The following MYH9 variants were observed in gnomAD, a reference collection of about 807,000 sequenced individuals.
The protein encoded by MYH9 is myosin heavy chain 9, also known as myosin-9.
MYH9 carries 29 observed loss-of-function variants against 241.9 expected under a neutral mutation model. That is an observed-to-expected ratio of 0.12 (90% CI 0.09 to 0.16). The LOEUF is 0.16. Among genes scored for constraint, MYH9 ranks in the 10% least tolerant of loss-of-function variants. The probability of loss-of-function intolerance (pLI) is 1.00; values close to 1 mark genes in which losing one functional copy is unlikely to be tolerated. For synonymous variants in MYH9, 1,047 were observed against 1,062.6 expected, an observed-to-expected ratio of 0.99 and a Z score of 0.29; for missense variants, 1,803 against 2,595.5, an observed-to-expected ratio of 0.69 and a Z score of 6.63.
At chr22:36,360,436 G>A (rs1023149536) in intron 1 of MYH9, among the ~76,000 whole-genome samples, 2 of 152,188 alleles carry the variant, frequency 1.3e-5, no homozygotes, top group Non-Finnish European at 1.5e-5. Flanking sequence ...AACTTAGGCC[G>A]GGCACAGTGG....
Position 36,282,228 on chromosome 22 carries a change from T to A in MYH9, c.*440A>T. The A allele has an allele frequency of 9.1e-6, 3 of 330,192 alleles. No homozygotes were observed. Among genetic ancestry groups the A allele is most frequent in the South Asian group, 4.3e-5 (1 of 23,408 alleles). The allele number at this position is 330,192 out of a possible 1,614,324, so 20.5% of individuals were successfully genotyped here. ...CAAACAGCAAAGAAAGGAGGAGGAG[T>A]GGGGGCGCTGGTGGCAGACGTCAGG... On this transcript the variant is annotated 3_prime_UTR_variant, in exon 41 of 41. Transcript: ENST00000216181.
At chr22:36,299,104 C>G in intron 23 of MYH9, 62 bp from the exon 24 acceptor site, 1 of 1,609,050 alleles carries the variant, frequency 6.2e-7, no homozygotes, top group Non-Finnish European at 8.5e-7. Context: ...TTGCTAGCCT[C>G]AAAGCATGAC....
intron 1 of MYH9, among the ~76,000 whole-genome samples, chr22:36,355,842 A>AC (rs530542599): frequency 9.9e-5 from 15 of 150,836 alleles, no homozygotes; most frequent in South Asian, 6.3e-4. Flanking sequence ...CAAACAGAGA[A>AC]CCCCCCCTTT....
At chr22:36,327,434 C>T (rs776232445) in intron 4 of MYH9, 27 bp downstream of exon 4, 1 of 1,613,790 alleles carries the variant, frequency 6.2e-7, no homozygotes, top group South Asian at 1.1e-5. Context: ...GTGAAACGAA[C>T]CACTACCCAG....
In MYH9 at chr22:36,293,562, G is replaced by A. The variant is rs2016740445; in HGVS notation, c.3943-81C>T. The stretch of plus-strand genomic sequence containing the variant: ...GGAACCCCACACCCTTGAGGAGAGG[G>A]AGGAGCTGGTCCTGCTGATTTAGGG... On this transcript the variant is annotated intron_variant, in intron 29 of 40. Transcript: ENST00000216181. This position sits in a 1 kb window ranked among gnomAD's most constrained non-coding sequence, Gnocchi z 5.1. 2 of 1,580,992 alleles carry A rather than the reference G, an allele frequency of 1.3e-6. No homozygotes were observed. The highest frequency in any genetic ancestry group is 1.7e-5 in the Admixed American group (1 of 59,928).
chr22:36,383,399 A>G (rs2018288661), intron 1 of MYH9, among the ~76,000 whole-genome samples: 1 of 152,284 alleles, frequency 6.6e-6, no homozygotes, highest in African/African-American at 2.4e-5. Context: ...CTTCTGTCCC[A>G]GCCGGGGCCC....
At position 36,282,999 on chromosome 22, in the gene MYH9, G is replaced by A. The variant is rs553452429; in HGVS notation, c.5766-214C>T. Among the ~76,000 whole-genome samples the A allele has an allele frequency of 2.9e-4, 44 of 152,292 alleles. 1 individual carries two copies. The South Asian group carries it at 8.5e-3, about 29-fold the overall frequency. ...GCAAAGCTTCCCGCAAAATGTTTAG[G>A]TGTCGGACATCTTCACACACAACAG... On this transcript the variant is annotated intron_variant, in intron 40 of 40. Transcript: ENST00000216181.
At chr22:36,313,977 C>T (rs1352692413) in intron 13 of MYH9, among the ~76,000 whole-genome samples, 168 bp downstream of exon 13, 1 of 152,204 alleles carries the variant, frequency 6.6e-6, no homozygotes, top group African/African-American at 2.4e-5. Context: ...CCCACCCAGG[C>T]CTCCCAGGCA....
chr22:36,287,509 C>T (rs9610482), intron 34 of MYH9, among the ~76,000 whole-genome samples: 27,837 of 151,822 alleles, frequency 0.18, 3,705 homozygotes, highest in East Asian at 0.61. Flanking sequence ...TTTGGGAGGC[C>T]GAGGCGGGTG....
intron 15 of MYH9, chr22:36,308,866 C>A: frequency 3.0e-6 from 3 of 985,348 alleles, no homozygotes; most frequent in Non-Finnish European, 3.6e-6. Flanking sequence ...GAGTGCTCTG[C>A]ATCTCTGCAA....
intron 1 of MYH9, among the ~76,000 whole-genome samples, chr22:36,383,892 G>A (rs755883716): frequency 4.0e-5 from 6 of 149,542 alleles, no homozygotes; most frequent in Non-Finnish European, 7.4e-5. Flanking sequence ...CCCAGGAGGC[G>A]GAGGTTGCAG....
intron 6 of MYH9, chr22:36,322,054 C>A: frequency 1.7e-6 from 1 of 596,820 alleles, no homozygotes; most frequent in South Asian, 1.9e-5. Flanking sequence ...AAGCTGATCC[C>A]ACACCCAGGT....
chr22:36,349,982 T>G (rs571124813), intron 1 of MYH9, among the ~76,000 whole-genome samples: 2 of 152,284 alleles, frequency 1.3e-5, no homozygotes, highest in African/African-American at 4.8e-5. Context: ...TTTAAAAAAC[T>G]TGTTATTAGT....
chr22:36,322,107 C>A (rs2017263280), intron 6 of MYH9, among the ~76,000 whole-genome samples: 1 of 152,236 alleles, frequency 6.6e-6, no homozygotes, highest in Non-Finnish European at 1.5e-5. Context: ...TGGAAGTGTT[C>A]CTCTCTGCCT....
At chr22:36,303,493 C>A (rs1431163931) in intron 19 of MYH9, among the ~76,000 whole-genome samples, 1 of 151,752 alleles carries the variant, frequency 6.6e-6, no homozygotes, top group Non-Finnish European at 1.5e-5. Flanking sequence ...ATCAGAAATG[C>A]CAGATTCAGC....
chr22:36,381,440 C>G (rs986487584), intron 1 of MYH9, among the ~76,000 whole-genome samples: 5 of 151,532 alleles, frequency 3.3e-5, no homozygotes, highest in Admixed American at 6.6e-5. Context: ...TCACATGAAC[C>G]CAGGAGGTGG....
chr22:36,355,733 AAC>A (rs2017845086), intron 1 of MYH9, among the ~76,000 whole-genome samples: 2 of 152,102 alleles, frequency 1.3e-5, no homozygotes, highest in Admixed American at 1.3e-4. Flanking sequence ...CAAGGCACAA[AAC>A]CTAGGGTCAG....
Position 36,288,580 on chromosome 22 carries a change from C to A in MYH9, c.4770+147G>T. 7.6e-7 allele frequency: 1 copy of A among 1,315,796 alleles called. No homozygotes were observed. 81.5% of individuals were successfully genotyped at this position (1,315,796 alleles called of 1,614,324 possible). On this transcript the variant is annotated intron_variant, in intron 33 of 40. Transcript: ENST00000216181. This position sits in a 1 kb window ranked among gnomAD's most constrained non-coding sequence, Gnocchi z 4.8. ...TCTAAGAAAGTGAGTCACTGAACCCCGAGACAGGAGGCTAGAAAGAAGGAA... is the reference window on the plus strand; with the variant it reads ...TCTAAGAAAGTGAGTCACTGAACCCAGAGACAGGAGGCTAGAAAGAAGGAA...
At position 36,314,285 on chromosome 22, in the gene MYH9, T is replaced by C; in HGVS notation, c.1414A>G (p.Thr472Ala). The C allele has an allele frequency of 1.9e-6, 3 of 1,614,140 alleles. No homozygotes were observed. Among genetic ancestry groups the C allele is most frequent in the Non-Finnish European group, 1.7e-6 (2 of 1,180,026 alleles). ...AAGAGCTGCTGCAGCTTCTCATTGG[T>C]GTAATTGATGCACAGCTGCTCAAAC... is the stretch of plus-strand genomic sequence containing the variant. ...NSFEQLCINY[T>A]NEKLQQLFNH... Residue 472 changes from threonine (T) to alanine (A), a missense_variant, in exon 13 of 41, where the codon ACC (threonine) becomes GCC (alanine). Transcript: ENST00000216181.
Sources: gnomAD v4.1 joint callset for allele counts (sites outside exome capture counted in the v4.1 genomes callset) on GRCh38, gnomAD v4.1.1 for gene constraint, Gnocchi (gnomAD v3.1) non-coding constraint, MANE v1.5 for transcripts, NCBI Gene and HGNC (gene_info 2026-07-23, HGNC 2026-07-21) for gene names.